The following CHD9 variants were observed in gnomAD, a reference collection of about 807,000 sequenced individuals.
CHD9 encodes the protein ATP-dependent chromatin remodeler CHD9.
In CHD9, 77 loss-of-function variants were observed where a neutral mutation model predicts 316.1. The ratio of observed to expected loss-of-function variants is 0.24; its 90% CI spans 0.20 to 0.29. The LOEUF (loss-of-function observed/expected upper bound fraction) is 0.29. CHD9 is among the 10% of genes least tolerant of loss of function. The probability of loss-of-function intolerance (pLI) is 1.00; values close to 1 mark genes in which losing one functional copy is unlikely to be tolerated. For missense variants in CHD9, 2,763 were observed against 3,438.1 expected, an observed-to-expected ratio of 0.80 and a Z score of 4.91; for synonymous variants, 1,129 against 1,158.3, an observed-to-expected ratio of 0.97 and a Z score of 0.51.
chr16:53,142,749 AATTT>A (rs1342229168), intron 1 of CHD9, among the ~76,000 whole-genome samples: 50 of 152,348 alleles, frequency 3.3e-4, no homozygotes, highest in African/African-American at 1.2e-3. Flanking sequence ...TGGTGAATCT[AATTT>A]ATTTTCTAAT....
chr16:53,140,302 CA>C (rs2040008901), intron 1 of CHD9, among the ~76,000 whole-genome samples: 1 of 147,576 alleles, frequency 6.8e-6, no homozygotes, highest in African/African-American at 2.5e-5. Context: ...ACTAAAAATA[CA>C]AAAAATTAGC....
At chr16:53,127,207 C>G (rs2039009153) in intron 1 of CHD9, among the ~76,000 whole-genome samples, 1 of 152,124 alleles carries the variant, frequency 6.6e-6, no homozygotes, top group Non-Finnish European at 1.5e-5. Context: ...AGCAGTCCAC[C>G]TGCCTTGGCC....
chr16:53,153,604 C>T (rs962646121), intron 1 of CHD9, among the ~76,000 whole-genome samples: 5 of 152,190 alleles, frequency 3.3e-5, no homozygotes, highest in South Asian at 2.1e-4. Context: ...TCATGGCTCA[C>T]TGCAGCCTCA....
intron 29 of CHD9, among the ~76,000 whole-genome samples, chr16:53,296,317 A>G (rs1324343911): frequency 2.0e-5 from 3 of 152,138 alleles, no homozygotes; most frequent in African/African-American, 7.2e-5. Flanking sequence ...ATTTTCTCAC[A>G]TAGCAAAAAT....
intron 17 of CHD9, among the ~76,000 whole-genome samples, chr16:53,253,457 T>G (rs959159244): frequency 5.9e-5 from 9 of 151,924 alleles, no homozygotes; most frequent in African/African-American, 2.2e-4. Flanking sequence ...GAGTGGGAGG[T>G]GGGCAAGGGA....
intron 28 of CHD9, among the ~76,000 whole-genome samples, 193 bp from the exon 29 acceptor site, chr16:53,292,640 C>T (rs1205426961): frequency 6.6e-6 from 1 of 152,068 alleles, no homozygotes; most frequent in East Asian, 1.9e-4. Flanking sequence ...TGTATTGTAC[C>T]TACTTTGAAC....
intron 34 of CHD9, among the ~76,000 whole-genome samples, chr16:53,310,109 T>C (rs577986585): frequency 2.0e-5 from 3 of 152,336 alleles, no homozygotes; most frequent in South Asian, 2.1e-4. Flanking sequence ...TATAAATTAG[T>C]TTAGCTTCAT....
At chr16:53,180,674 A>G (rs568356463) in intron 2 of CHD9, among the ~76,000 whole-genome samples, 1 of 151,636 alleles carries the variant, frequency 6.6e-6, no homozygotes, top group South Asian at 2.1e-4. Context: ...TTATTTTTTT[A>G]AATTTATTAT....
chr16:53,240,463 T>C (rs2048996066), intron 12 of CHD9, among the ~76,000 whole-genome samples: 1 of 152,142 alleles, frequency 6.6e-6, no homozygotes, highest in South Asian at 2.1e-4. Flanking sequence ...ATTTTTATGA[T>C]AAATGTTACA....
At chr16:53,096,268 C>T (rs888815324) in intron 1 of CHD9, among the ~76,000 whole-genome samples, 2 of 152,186 alleles carry the variant, frequency 1.3e-5, no homozygotes, top group Admixed American at 1.3e-4. Flanking sequence ...CAAAGCCTTT[C>T]CCAGTTAGGA....
At chr16:53,249,803 A>G in intron 16 of CHD9, 68 bp from the exon 17 acceptor site, 1 of 1,261,174 alleles carries the variant, frequency 7.9e-7, no homozygotes, top group Non-Finnish European at 1.1e-6. Flanking sequence ...CTGACTTTAC[A>G]TTTGATAGAA....
chr16:53,204,009 G>C (rs1440920568), intron 2 of CHD9, among the ~76,000 whole-genome samples: 2 of 113,226 alleles, frequency 1.8e-5, no homozygotes, highest in Non-Finnish European at 3.3e-5. Context: ...GGGCGACAGA[G>C]CAAGACTCCA....
intron 12 of CHD9, among the ~76,000 whole-genome samples, chr16:53,240,228 C>T (rs573975684): frequency 2.0e-5 from 3 of 152,084 alleles, no homozygotes; most frequent in South Asian, 2.1e-4. Context: ...TATTCTTACT[C>T]GTACATTTGT....
chr16:53,055,488 A>ACCCCC (rs2031958493), intron 1 of CHD9, among the ~76,000 whole-genome samples: 1 of 115,734 alleles, frequency 8.6e-6, no homozygotes, highest in Non-Finnish European at 1.9e-5. Flanking sequence ...CCCTAGTTCC[A>ACCCCC]CCCCCGCCCC....
intron 30 of CHD9, chr16:53,299,614 A>G (rs1016974542): frequency 2.0e-5 from 8 of 401,222 alleles, no homozygotes; most frequent in Middle Eastern, 4.2e-4. Context: ...ATTGAAAACA[A>G]TGTGTCAAAA....
intron 34 of CHD9, among the ~76,000 whole-genome samples, chr16:53,314,083 G>A (rs2056694515): frequency 6.6e-6 from 1 of 152,014 alleles, no homozygotes; most frequent in Admixed American, 6.6e-5. Flanking sequence ...TCAAAGAAAG[G>A]GGAAATGTTT....
rs113417308 is a variant in CHD9, at chr16:53,260,994, A to G, written c.4210-1993A>G. 5.0e-4 allele frequency among the ~76,000 whole-genome samples: 76 copies of G among 152,072 alleles called. 2 individuals are homozygous for G. Among genetic ancestry groups the G allele is most frequent in the South Asian group, 3.1e-3 (15 of 4,822 alleles). ...AAGGTTCCAGGGATTAGGATGAGGTATCTTTGGGGACCATTATTCAGTTTA... is the reference window on the plus strand; with the variant it reads ...AAGGTTCCAGGGATTAGGATGAGGTGTCTTTGGGGACCATTATTCAGTTTA... On this transcript the variant is annotated intron_variant, in intron 19 of 38. Transcript: ENST00000447540.
At chr16:53,273,034 A>C (rs2052426307) in intron 22 of CHD9, among the ~76,000 whole-genome samples, 1 of 152,098 alleles carries the variant, frequency 6.6e-6, no homozygotes, top group South Asian at 2.1e-4. Flanking sequence ...GGTTGCAGTG[A>C]GCCGACATCA....
rs764110577 is a variant in CHD9 at position 53,292,995 on chromosome 16, T to A, written c.5453T>A (p.Ile1818Asn). The A allele has an allele frequency of 6.2e-7, 1 of 1,613,856 alleles. No individual in the cohort carries two copies. The highest frequency in any genetic ancestry group is 8.5e-7 in the Non-Finnish European group (1 of 1,179,856). The change falls in exon 29 of 39, where the codon ATT becomes AAT. Residue 1818 changes from isoleucine (I) to asparagine (N), a missense_variant. Physicochemically the swap from Ile to Asn is moderately radical, Grantham distance 149 (BLOSUM62 -3). Around this residue, in one of 15 missense-constraint regions of CHD9, gnomAD observed 183 missense variants for 258.5 expected, o/e 0.71. Transcript: ENST00000447540. ...FSVPTSVMQPIYEEATLNPKM... is the reference protein window; with the variant it reads ...FSVPTSVMQPNYEEATLNPKM... ...GTGCCTACCAGTGTAATGCAGCCTA[T>A]TTATGAGGAAGCCACTCTTAATCCT... is the stretch of plus-strand genomic sequence containing the variant.
Sources: gnomAD v4.1 joint callset for allele counts (sites outside exome capture counted in the v4.1 genomes callset) on GRCh38, gnomAD v4.1.1 for gene constraint, gnomAD v4.1.1 regional missense constraint, MANE v1.5 for transcripts, NCBI Gene and HGNC (gene_info 2026-07-23, HGNC 2026-07-21) for gene names.